EYS: variants seen among roughly 807,000 people sequenced by gnomAD.
EYS encodes protein eyes shut homolog.
In EYS, 250 loss-of-function variants were observed where a neutral mutation model predicts 282.1. The observed-to-expected ratio is 0.89, with a 90% CI of 0.80 to 0.98. EYS has a LOEUF of 0.98. EYS is among the 50% of genes least tolerant of loss of function. EYS has a pLI of 0.00. For synonymous variants in EYS, 1,355 were observed against 1,282.9 expected (o/e 1.06, Z -1.20); for missense variants, 4,016 against 3,709.0 (o/e 1.08, Z -2.15).
chr6:64,735,315 C>T (rs1467382997), intron 22 of EYS, among the ~76,000 whole-genome samples: 2 of 152,122 alleles, frequency 1.3e-5, no homozygotes, highest in African/African-American at 4.8e-5. Context: ...GATCTCCTGA[C>T]CTCGTGATCA....
At chr6:65,516,523 A>G (rs1486590495) in intron 2 of EYS, among the ~76,000 whole-genome samples, 1 of 152,114 alleles carries the variant, frequency 6.6e-6, no homozygotes, top group African/African-American at 2.4e-5. Flanking sequence ...ATGTTTCAGG[A>G]GAAAATATAG....
intron 28 of EYS, among the ~76,000 whole-genome samples, chr6:64,397,468 C>T (rs143769890): frequency 6.1e-4 from 93 of 152,090 alleles, no homozygotes; most frequent in African/African-American, 2.2e-3. Context: ...ATATGGATTA[C>T]ATGTATTTAG....
At chr6:65,182,543 AATTTCCTTGACATGTTTTGT>A (rs141860097) in intron 12 of EYS, among the ~76,000 whole-genome samples, 3,895 of 151,816 alleles carry the variant, frequency 0.026, 163 homozygotes, top group African/African-American at 0.088. Flanking sequence ...TGATTTTTTA[AATTTCCTTGACATGTTTTGT>A]ATTTCCTTGA....
At chr6:63,890,500 G>A (rs1029651542) in intron 35 of EYS, among the ~76,000 whole-genome samples, 2 of 152,134 alleles carry the variant, frequency 1.3e-5, no homozygotes, top group Non-Finnish European at 2.9e-5. Flanking sequence ...TGACTACTGG[G>A]TAAATAACAA....
chr6:63,893,601 A>T (rs1773462518), intron 35 of EYS, among the ~76,000 whole-genome samples: 1 of 152,164 alleles, frequency 6.6e-6, no homozygotes, highest in African/African-American at 2.4e-5. Context: ...GGGGAGGGAT[A>T]GCATTAAGGA....
chr6:65,486,014 A>G (rs1765769673), intron 5 of EYS, among the ~76,000 whole-genome samples: 1 of 152,222 alleles, frequency 6.6e-6, no homozygotes, highest in African/African-American at 2.4e-5. Context: ...AAATAAAGTT[A>G]TTGGTTCCTG....
chr6:64,485,334 A>G (rs1039763399), intron 26 of EYS, among the ~76,000 whole-genome samples: 5 of 151,628 alleles, frequency 3.3e-5, no homozygotes, highest in African/African-American at 7.2e-5. Flanking sequence ...CCAAAACTTG[A>G]AAAACAACAG....
At chr6:64,555,352 G>C (rs183526950) in intron 26 of EYS, among the ~76,000 whole-genome samples, 194 of 151,746 alleles carry the variant, frequency 1.3e-3, no homozygotes, top group African/African-American at 4.3e-3. Context: ...GGGAATTAAT[G>C]GGGGGGTAGA....
chr6:64,008,855 C>T (rs917264775), intron 33 of EYS, among the ~76,000 whole-genome samples: 2 of 152,180 alleles, frequency 1.3e-5, no homozygotes, highest in Non-Finnish European at 2.9e-5. Flanking sequence ...ATGGGGTTCC[C>T]TTTGTAGGTG....
At chr6:63,967,480 A>C (rs1442816139) in intron 35 of EYS, among the ~76,000 whole-genome samples, 1 of 152,198 alleles carries the variant, frequency 6.6e-6, no homozygotes, top group Non-Finnish European at 1.5e-5. Context: ...AGGAGAGAGA[A>C]ACAGTGACTT....
chr6:64,618,170 G>A (rs1237559491), intron 23 of EYS, among the ~76,000 whole-genome samples: 1 of 152,094 alleles, frequency 6.6e-6, no homozygotes, highest in Non-Finnish European at 1.5e-5. Context: ...TTTGGCTTTT[G>A]CTAGTCAAAC....
At chr6:65,088,200 G>A (rs974904252) in intron 12 of EYS, among the ~76,000 whole-genome samples, 7 of 152,164 alleles carry the variant, frequency 4.6e-5, no homozygotes, top group Middle Eastern at 3.4e-3. Context: ...ACAGTAAATC[G>A]GTACCACAGA....
At chr6:64,557,701 A>C (rs1562060683) in intron 26 of EYS, among the ~76,000 whole-genome samples, 1 of 152,188 alleles carries the variant, frequency 6.6e-6, no homozygotes, top group East Asian at 1.9e-4. Flanking sequence ...AAATTATATA[A>C]ATTTGACATT....
chr6:63,932,462 C>T (rs951565297), intron 35 of EYS, among the ~76,000 whole-genome samples: 3 of 152,126 alleles, frequency 2.0e-5, no homozygotes, highest in African/African-American at 7.2e-5. Context: ...TTCTAGCATT[C>T]GTGTTACCTG....
intron 36 of EYS, among the ~76,000 whole-genome samples, chr6:63,827,392 A>C (rs1356587364): frequency 6.6e-6 from 1 of 152,228 alleles, no homozygotes; most frequent in Non-Finnish European, 1.5e-5. Context: ...CAAACAATGG[A>C]TTTGAACTAT....
intron 19 of EYS, among the ~76,000 whole-genome samples, chr6:64,856,386 A>C (rs140201166): frequency 1.5e-3 from 234 of 152,188 alleles, no homozygotes; most frequent in Non-Finnish European, 3.0e-3. Flanking sequence ...CTGCATGCTC[A>C]ACTTCCCAGG....
chr6:63,908,932 G>C (rs1236114362), intron 35 of EYS, among the ~76,000 whole-genome samples: 1 of 151,982 alleles, frequency 6.6e-6, no homozygotes, highest in African/African-American at 2.4e-5. Flanking sequence ...CTAAACCTAA[G>C]ACTGTTTCAG....
chr6:64,279,643 A>AT (rs1768235263), intron 30 of EYS, among the ~76,000 whole-genome samples: 1 of 152,090 alleles, frequency 6.6e-6, no homozygotes, highest in South Asian at 2.1e-4. Flanking sequence ...TGGATAGTTT[A>AT]TTTTTCCAGC....
rs1044325587 is a variant in EYS at position 64,318,838 on chromosome 6, C to A, written c.6079-11756G>T. Among the ~76,000 whole-genome samples the A allele has an allele frequency of 4.0e-5, 6 of 151,654 alleles. No individual in the cohort carries two copies. In the South Asian group the frequency reaches 1.2e-3, roughly 31 times the overall value. ...TATGAGATATTTTGATACAGACTTA[C>A]AATGTGTAATGATCACGTTAGGGTA... On this transcript the variant is annotated intron_variant, in intron 29 of 42. Transcript: ENST00000503581.
Sources: gnomAD v4.1 joint callset for allele counts (sites outside exome capture counted in the v4.1 genomes callset) on GRCh38, gnomAD v4.1.1 for gene constraint, MANE v1.5 for transcripts, NCBI Gene and HGNC (gene_info 2026-07-23, HGNC 2026-07-21) for gene names.